Variants in SIPA1L3 observed in about 807,000 individuals in gnomAD.
The protein encoded by SIPA1L3 is signal induced proliferation associated 1 like 3.
In SIPA1L3, 59 loss-of-function variants were observed where a neutral mutation model predicts 150.1. The ratio of observed to expected loss-of-function variants is 0.39; its 90% CI spans 0.32 to 0.49. The LOEUF is 0.49. Ranked by LOEUF, SIPA1L3 falls within the 20% of genes least tolerant of loss-of-function variation. SIPA1L3 has a pLI of 0.86. For synonymous variants in SIPA1L3, 1,070 were observed against 1,077.6 expected, an observed-to-expected ratio of 0.99 and a Z score of 0.14; for missense variants, 2,211 against 2,489.5, an observed-to-expected ratio of 0.89 and a Z score of 2.38.
intron 8 of SIPA1L3, among the ~76,000 whole-genome samples, chr19:38,113,888 T>C (rs1970824768): frequency 6.6e-6 from 1 of 152,144 alleles, no homozygotes; most frequent in Non-Finnish European, 1.5e-5. Flanking sequence ...GCTGGTTGTT[T>C]CGTGAGTTTT....
intron 2 of SIPA1L3, among the ~76,000 whole-genome samples, chr19:38,059,784 T>C (rs1040219980): frequency 2.0e-5 from 3 of 151,656 alleles, no homozygotes; most frequent in African/African-American, 4.9e-5. Context: ...CCTTTTTTTT[T>C]CCTTTTTTTT....
At chr19:38,167,030 C>T (rs1032676964) in intron 15 of SIPA1L3, among the ~76,000 whole-genome samples, 3 of 151,832 alleles carry the variant, frequency 2.0e-5, no homozygotes, top group Non-Finnish European at 4.4e-5. Context: ...GTCAAGAGCT[C>T]GAGACCGTCC....
intron 11 of SIPA1L3, among the ~76,000 whole-genome samples, chr19:38,141,788 T>G (rs12460188): frequency 0.35 from 53,837 of 151,958 alleles, 10,670 homozygotes; most frequent in East Asian, 0.62. Context: ...TTAGAGAGCT[T>G]GGGCAACATA....
chr19:38,076,991 C>T (rs1380242560), intron 2 of SIPA1L3, among the ~76,000 whole-genome samples: 1 of 152,016 alleles, frequency 6.6e-6, no homozygotes, highest in Non-Finnish European at 1.5e-5. Context: ...TACATGGCAA[C>T]CTAAAGCAAA....
chr19:38,080,256 A>G (rs1166345873), intron 2 of SIPA1L3, among the ~76,000 whole-genome samples: 2 of 152,178 alleles, frequency 1.3e-5, no homozygotes, highest in Non-Finnish European at 2.9e-5. Context: ...AGCTGAGCTG[A>G]GCAAACAACA....
chr19:38,007,948 A>G (rs1218008322), intron 1 of SIPA1L3, among the ~76,000 whole-genome samples: 1 of 152,082 alleles, frequency 6.6e-6, no homozygotes, highest in Non-Finnish European at 1.5e-5. Context: ...TTGGAATGTG[A>G]GCTCCGTGAA....
intron 1 of SIPA1L3, among the ~76,000 whole-genome samples, chr19:37,997,627 G>A (rs571138712): frequency 1.3e-4 from 19 of 147,160 alleles, no homozygotes; most frequent in Admixed American, 6.3e-4. Context: ...CCAGCACTTC[G>A]GGAGGCCGAG....
chr19:38,034,518 C>T (rs1454871966), intron 2 of SIPA1L3, among the ~76,000 whole-genome samples: 6 of 66,742 alleles, frequency 9.0e-5, no homozygotes, highest in African/African-American at 2.4e-4. Context: ...ATAAGAGGTC[C>T]GGGGGTGCGG....
At chr19:38,074,083 A>G (rs774714275) in intron 2 of SIPA1L3, among the ~76,000 whole-genome samples, 5 of 152,214 alleles carry the variant, frequency 3.3e-5, no homozygotes, top group Non-Finnish European at 7.3e-5. Context: ...GGGGTTCCCC[A>G]TCGGGAAGGT....
rs1973251919 is a variant in SIPA1L3, at chr19:38,207,688, AG to A, written c.*1451del. 3 of 152,274 alleles carry A rather than the reference AG, an allele frequency of 2.0e-5. No individual in the cohort carries two copies. In the South Asian group the frequency reaches 6.2e-4, roughly 32 times the overall value. The allele number at this position is 152,274 out of a possible 1,614,324, so 9.4% of individuals were successfully genotyped here. A position where few individuals can be genotyped will look rare whatever the true frequency, so the allele number is the denominator to read the frequency against. ...GCACCAGGCAACCCGGCCCTTGTCC[AG>A]GGACCTCTGCTGCCTTCTCTCTGGG... On this transcript the variant is annotated 3_prime_UTR_variant, in exon 22 of 22. Coordinates refer to ENST00000222345, the MANE Select transcript of SIPA1L3 (RefSeq NM_015073.3).
intron 10 of SIPA1L3, among the ~76,000 whole-genome samples, chr19:38,134,230 C>T (rs554838328): frequency 4.6e-5 from 7 of 150,812 alleles, no homozygotes; most frequent in East Asian, 2.0e-4. Context: ...GTGATCTGCC[C>T]GCCTCGACCT....
chr19:38,153,935 GA>G (rs1001148598), intron 13 of SIPA1L3, among the ~76,000 whole-genome samples: 114 of 150,388 alleles, frequency 7.6e-4, no homozygotes, highest in African/African-American at 2.7e-3. Flanking sequence ...CTCTGTCTCA[GA>G]AAAAAAAAGA....
intron 1 of SIPA1L3, among the ~76,000 whole-genome samples, chr19:38,025,178 C>T (rs1355239251): frequency 6.6e-6 from 1 of 152,210 alleles, no homozygotes; most frequent in African/African-American, 2.4e-5. Flanking sequence ...CTCCCAGAGC[C>T]AATCCCTATG....
intron 1 of SIPA1L3, among the ~76,000 whole-genome samples, chr19:37,992,260 A>C (rs1156757168): frequency 2.0e-5 from 3 of 152,218 alleles, no homozygotes; most frequent in African/African-American, 7.2e-5. Context: ...ACTCAAGGTA[A>C]GTAAGCCCCA....
At chr19:38,093,800 C>G (rs1970317375) in intron 4 of SIPA1L3, among the ~76,000 whole-genome samples, 2 of 152,202 alleles carry the variant, frequency 1.3e-5, no homozygotes, top group Admixed American at 1.3e-4. Flanking sequence ...ATTGGCAGTG[C>G]CAGGCTCCCC....
At chr19:38,025,204 C>T (rs1331305316) in intron 1 of SIPA1L3, among the ~76,000 whole-genome samples, 3 of 152,242 alleles carry the variant, frequency 2.0e-5, no homozygotes, top group Non-Finnish European at 2.9e-5. Flanking sequence ...GGGGAGGAGA[C>T]ATTCAGGCCA....
chr19:37,980,007 A>G (rs1049400407), intron 1 of SIPA1L3, among the ~76,000 whole-genome samples: 1 of 152,210 alleles, frequency 6.6e-6, no homozygotes, highest in Non-Finnish European at 1.5e-5. Context: ...TCAGGAATCC[A>G]CAGGCCGGTG....
chr19:37,992,494 T>A (rs1038002897), intron 1 of SIPA1L3, among the ~76,000 whole-genome samples: 2 of 151,938 alleles, frequency 1.3e-5, no homozygotes, highest in Non-Finnish European at 2.9e-5. Context: ...CTATTAAAAA[T>A]ACAAAAATTT....
At position 38,138,421 on chromosome 19, in the gene SIPA1L3, G is replaced by A. The variant is rs138282020; in HGVS notation, c.3144-2763G>A. Among the ~76,000 whole-genome samples the A allele has an allele frequency of 2.7e-3, 409 of 152,258 alleles. 1 individual carries two copies. Among genetic ancestry groups the A allele is most frequent in the African/African-American group, 9.3e-3 (388 of 41,550 alleles). On this transcript the variant is annotated intron_variant, in intron 10 of 21. Coordinates refer to ENST00000222345, the MANE Select transcript of SIPA1L3 (RefSeq NM_015073.3). ...ACAGAACAGACTGAAACATGGCGCCGCAAAAGAGAGTCTTCACTGGCTCAC... is the reference window on the plus strand; with the variant it reads ...ACAGAACAGACTGAAACATGGCGCCACAAAAGAGAGTCTTCACTGGCTCAC...
Sources: allele counts gnomAD v4.1 joint callset (sites outside exome capture counted in the v4.1 genomes callset), GRCh38; gene constraint gnomAD v4.1.1; transcripts MANE v1.5; gene names NCBI Gene and HGNC (gene_info 2026-07-23, HGNC 2026-07-21).